The following TP53BP1 variants were observed in gnomAD, a reference collection of about 807,000 sequenced individuals.
TP53BP1 encodes the protein TP53-binding protein 1.
Under a neutral mutation model 200.8 loss-of-function variants are expected in TP53BP1, and 61 were observed. The observed-to-expected ratio is 0.30, with a 90% confidence interval of 0.25 to 0.38. The LOEUF is 0.38. Ranked by LOEUF, TP53BP1 falls within the 10% of genes least tolerant of loss-of-function variation. TP53BP1 has a pLI of 1.00. For missense variants in TP53BP1, 2,144 were observed against 2,371.9 expected, an observed-to-expected ratio of 0.90 and a Z score of 2.00; for synonymous variants, 822 against 844.3, an observed-to-expected ratio of 0.97 and a Z score of 0.46.
At position 43,462,141 on chromosome 15, in the gene TP53BP1, G is replaced by C. The variant is rs2046449781; in HGVS notation, c.1390-4923C>G. Among the ~76,000 whole-genome samples, 3 of 130,886 alleles carry C rather than the reference G, an allele frequency of 2.3e-5. No individual in the cohort carries two copies. The South Asian group carries it at 8.2e-4, about 36-fold the overall frequency. 85.9% of individuals were successfully genotyped at this position (130,886 alleles called of 152,430 possible). A position where few individuals can be genotyped will look rare whatever the true frequency, so the allele number is the denominator to read the frequency against. On this transcript the variant is annotated intron_variant, in intron 11 of 27. Transcript: ENST00000382044. The stretch of plus-strand genomic sequence containing the variant: ...GAGGTCAGGAGTTCGAGACCAGCCT[G>C]ACCAACAAGGTGAAACCCCATCTCT...
At chr15:43,413,806 A>C (rs1331544797) in intron 23 of TP53BP1, among the ~76,000 whole-genome samples, 2 of 151,622 alleles carry the variant, frequency 1.3e-5, no homozygotes, top group African/African-American at 4.8e-5. Flanking sequence ...AAAACCCAAC[A>C]CTTTTTTATT....
chr15:43,421,914 G>A lies in TP53BP1; in HGVS notation c.4041C>T (p.Ser1347=), dbSNP rs750634192. 6.8e-6 allele frequency: 11 copies of A among 1,614,066 alleles called. No homozygotes were observed. The highest frequency in any genetic ancestry group is 2.7e-5 in the African/African-American group (2 of 74,918). ...KGAGPLRGKT[S]GTEPADFALP... is the part of the protein sequence containing the mutation. ...AGGCAAAATCTGCGGGTTCTGTCCC[G>A]CTGGTTTTCCCTCTGAGTGGTCCGG... The change falls in exon 19 of 28, where the codon AGC becomes AGT. Residue 1347 remains serine (S), a synonymous_variant. Transcript: ENST00000382044.
In TP53BP1 at chr15:43,427,860, G is replaced by A. The variant is rs560292928; in HGVS notation, c.3828+156C>T. Among the ~76,000 whole-genome samples the A allele has an allele frequency of 6.7e-4, 102 of 151,828 alleles. 1 individual carries two copies. The highest frequency in any genetic ancestry group is 2.5e-3 in the South Asian group (12 of 4,802). On this transcript the variant is annotated intron_variant, in intron 18 of 27. Coordinates refer to ENST00000382044, the MANE Select transcript of TP53BP1 (RefSeq NM_001141980.3). Reference sequence around the variant, plus strand: ...TAGAACCAACTGCAAGGGAGGCTGAGGCAGAAGGATCACTTGAGCCTGGGA... The same window carrying A: ...TAGAACCAACTGCAAGGGAGGCTGAAGCAGAAGGATCACTTGAGCCTGGGA...
At chr15:43,455,081 A>G (rs1431556544) in intron 12 of TP53BP1, among the ~76,000 whole-genome samples, 1 of 152,226 alleles carries the variant, frequency 6.6e-6, no homozygotes, top group East Asian at 1.9e-4. Context: ...ATTTCATAAA[A>G]TAAAGAACAA....
At chr15:43,477,522 A>T (rs1487097806) in intron 8 of TP53BP1, 71 bp downstream of exon 8, 35 of 1,394,910 alleles carry the variant, frequency 2.5e-5, no homozygotes, top group Middle Eastern at 3.8e-4. Context: ...TAACTTAACC[A>T]GTAGCCTCAG....
chr15:43,421,337 A>G (rs1415004246), intron 19 of TP53BP1, among the ~76,000 whole-genome samples, 163 bp from the exon 20 acceptor site: 1 of 152,186 alleles, frequency 6.6e-6, no homozygotes, highest in Non-Finnish European at 1.5e-5. Flanking sequence ...TCATGCAGGG[A>G]GTGGGGAGCG....
In TP53BP1 at chr15:43,455,988, T is replaced by C. The variant is rs1361672963; in HGVS notation, c.2620A>G (p.Met874Val). Residue 874 changes from methionine to valine, a missense_variant, in exon 12 of 28, where the codon ATG (methionine) becomes GTG (valine). Coordinates refer to ENST00000382044, the MANE Select transcript of TP53BP1 (RefSeq NM_001141980.3). The part of the protein sequence containing the change: ...TSNSLTEDSK[M>V]ANAKQLSSDA... The stretch of plus-strand genomic sequence containing the variant: ...GAGCTTAGCTGCTTTGCATTAGCCA[T>C]TTTTGAGTCTTCTGTTAATGAATTA... 6.2e-7 allele frequency: 1 copy of C among 1,614,162 alleles called. No homozygotes were observed. Among genetic ancestry groups the C allele is most frequent in the Non-Finnish European group, 8.5e-7 (1 of 1,180,024 alleles).
intron 11 of TP53BP1, among the ~76,000 whole-genome samples, chr15:43,468,049 T>G (rs7182292): frequency 0.17 from 26,582 of 152,028 alleles, 2,495 homozygotes; most frequent in Middle Eastern, 0.27. Flanking sequence ...CCTCCCAAAG[T>G]GCTGGGATTA....
chr15:43,469,838 ACT>A lies in TP53BP1; in HGVS notation c.1389+18_1389+19del. ...TTAAAAAAATATGTTAGGAGAAACAACTCTTTTTACAATACTCACATGAGAAA... is the reference window on the plus strand; with the variant it reads ...TTAAAAAAATATGTTAGGAGAAACAACTTTTTACAATACTCACATGAGAAA... On this transcript the variant is annotated intron_variant, in intron 11 of 27. Transcript: ENST00000382044. 6.3e-7 allele frequency: 1 copy of A among 1,589,438 alleles called. No homozygotes were observed. The highest frequency in any genetic ancestry group is 8.6e-7 in the Non-Finnish European group (1 of 1,159,112).
At chr15:43,453,021 C>T (rs990332577) in intron 12 of TP53BP1, among the ~76,000 whole-genome samples, 3 of 151,692 alleles carry the variant, frequency 2.0e-5, no homozygotes, top group African/African-American at 7.3e-5. Flanking sequence ...GGTGAAACCC[C>T]GTCTCTACTA....
rs1352313017 is a variant in TP53BP1 at position 43,456,393 on chromosome 15, G to A, written c.2215C>T (p.Leu739Phe). 1.2e-6 allele frequency: 2 copies of A among 1,602,466 alleles called. No homozygotes were observed. Among genetic ancestry groups the A allele is most frequent in the Non-Finnish European group, 1.7e-6 (2 of 1,176,320 alleles). The change falls in exon 12 of 28, where the codon CTT becomes TTT. Residue 739 changes from leucine to phenylalanine, a missense_variant. By Grantham distance (22) the Leu-to-Phe change is conservative. This residue lies in a region of TP53BP1 where 1,700 missense variants were observed against 1,710.3 expected (regional missense o/e 0.99). Transcript: ENST00000382044. ...SIDSPQKLAILDQELEHKEQE... is the reference protein window; with the variant it reads ...SIDSPQKLAIFDQELEHKEQE... ...TCCTTATGTTCCAATTCTTGGTCAAGTATTGCCAACTTTTGAGGGGAATCA... is the reference window on the plus strand; with the variant it reads ...TCCTTATGTTCCAATTCTTGGTCAAATATTGCCAACTTTTGAGGGGAATCA...
chr15:43,493,125 C>T lies in TP53BP1; in HGVS notation c.-82G>A, dbSNP rs549952518. The stretch of plus-strand genomic sequence containing the variant: ...CTCCAGATCGATCCCTAGGTCGCCG[C>T]TGTCGCCACCGCCGCCACCGGCCGC... On this transcript the variant is annotated 5_prime_UTR_variant, in exon 1 of 28. Transcript: ENST00000382044. 1.1e-5 allele frequency: 17 copies of T among 1,592,288 alleles called. No individual in the cohort carries two copies. In the South Asian group the frequency reaches 1.2e-4, roughly 12 times the overall value.
chr15:43,455,479 G>T (rs1048746254), intron 12 of TP53BP1, among the ~76,000 whole-genome samples: 2 of 152,174 alleles, frequency 1.3e-5, no homozygotes, highest in African/African-American at 4.8e-5. Context: ...CCAGCACTTT[G>T]GAAGGCCAAG....
intron 11 of TP53BP1, among the ~76,000 whole-genome samples, chr15:43,466,187 A>G (rs1358658860): frequency 6.6e-6 from 1 of 152,206 alleles, no homozygotes; most frequent in Non-Finnish European, 1.5e-5. Context: ...GGTAAGGAGA[A>G]TCTCCACGGA....
intron 1 of TP53BP1, among the ~76,000 whole-genome samples, chr15:43,498,856 T>C (rs1431670039): frequency 6.6e-6 from 1 of 152,132 alleles, no homozygotes; most frequent in African/African-American, 2.4e-5. Context: ...CTGGGCAGTT[T>C]GGTACTAAGC....
In TP53BP1 at chr15:43,456,632, T is replaced by C; in HGVS notation, c.1976A>G (p.His659Arg). Residue 659 changes from histidine (H) to arginine (R), a missense_variant, in exon 12 of 28, where the codon CAT becomes CGT. Physicochemically the swap from His to Arg is conservative, Grantham distance 29 (BLOSUM62 0). Transcript: ENST00000382044. ...AGACCCTGAAGACCCCTCCTCTGGA[T>C]GGTGTTCTTTAATTTCCATAGCTTC... Reference protein sequence around the residue: ...QEEAMEIKEHHPEEGSSGSEV... With the variant: ...QEEAMEIKEHRPEEGSSGSEV... 6.2e-7 allele frequency: 1 copy of C among 1,614,124 alleles called. No individual in the cohort carries two copies. The highest frequency in any genetic ancestry group is 1.1e-5 in the South Asian group (1 of 91,082).
rs778494096 is a variant in TP53BP1, at chr15:43,403,661, G to A, written c.*3722C>T. On this transcript the variant is annotated 3_prime_UTR_variant, in exon 28 of 28. Transcript: ENST00000382044. ...GATGTACCTTCCTTCCTTTCCTAAT[G>A]CCAACTCTGTTTCCCGGGTAGGTGT... 12 of 1,562,550 alleles carry A rather than the reference G, an allele frequency of 7.7e-6. No individual in the cohort carries two copies. The South Asian group carries it at 1.3e-4, about 17-fold the overall frequency.
rs913471361 is a variant in TP53BP1, at chr15:43,453,022, G to A, written c.2716+2870C>T. Among the ~76,000 whole-genome samples the A allele has an allele frequency of 1.3e-5, 2 of 151,802 alleles. 1 individual carries two copies. The highest frequency in any genetic ancestry group is 4.2e-4 in the South Asian group (2 of 4,804). On this transcript the variant is annotated intron_variant, in intron 12 of 27. Transcript: ENST00000382044. The stretch of plus-strand genomic sequence containing the variant: ...ATCCTGGCTAACACGGTGAAACCCC[G>A]TCTCTACTAAAAATACAAAAAATTA...
At chr15:43,434,580 T>C (rs1263001590) in intron 16 of TP53BP1, among the ~76,000 whole-genome samples, 2 of 152,092 alleles carry the variant, frequency 1.3e-5, no homozygotes, top group Non-Finnish European at 2.9e-5. Flanking sequence ...ATGAATAGGG[T>C]TAGTGCCCTT....
Sources: gnomAD v4.1 joint callset for allele counts (sites outside exome capture counted in the v4.1 genomes callset) on GRCh38, gnomAD v4.1.1 for gene constraint, gnomAD v4.1.1 regional missense constraint, MANE v1.5 for transcripts, NCBI Gene and HGNC (gene_info 2026-07-23, HGNC 2026-07-21) for gene names.